Variants in IL22RA2 observed in about 807,000 individuals in gnomAD.
IL22RA2 encodes the protein interleukin-22 receptor subunit alpha-2.
IL22RA2 carries 39 observed loss-of-function variants against 30.7 expected under a neutral mutation model. The ratio of observed to expected loss-of-function variants is 1.27; its 90% CI spans 0.98 to 1.66. The LOEUF is 1.66. IL22RA2 is among the 40% of genes most tolerant of loss of function. IL22RA2 has a pLI of 0.00. For synonymous variants in IL22RA2, 103 were observed against 105.0 expected, an observed-to-expected ratio of 0.98 and a Z score of 0.11; for missense variants, 315 against 312.7, an observed-to-expected ratio of 1.01 and a Z score of -0.05.
intron 1 of IL22RA2, among the ~76,000 whole-genome samples, chr6:137,163,043 T>C (rs1223097214): frequency 6.6e-6 from 1 of 152,224 alleles, no homozygotes; most frequent in Non-Finnish European, 1.5e-5. Flanking sequence ...GTGGACCTTA[T>C]CTATACTTCC....
In IL22RA2 at chr6:137,154,038, T is replaced by TTC. The variant is rs201919164; in HGVS notation, c.472+901_472+902dup. On this transcript the variant is annotated intron_variant, in intron 5 of 6. Transcript: ENST00000296980. ...TCTTTATATCTATACATTAAACCCC[T>TTC]TCTCTCTCTCTCTCTACTATTTTAT... Among the ~76,000 whole-genome samples, 17 of 151,532 alleles carry TTC rather than the reference T, an allele frequency of 1.1e-4. No individual in the cohort carries two copies. In the East Asian group the frequency reaches 1.7e-3, roughly 16 times the overall value.
At chr6:137,167,741 C>G (rs1465209844) in intron 1 of IL22RA2, among the ~76,000 whole-genome samples, 1 of 152,184 alleles carries the variant, frequency 6.6e-6, no homozygotes, top group Non-Finnish European at 1.5e-5. Context: ...AAAACCCAGA[C>G]CACTCAACAT....
chr6:137,172,246 A>G (rs571325681), intron 1 of IL22RA2, among the ~76,000 whole-genome samples: 1 of 152,342 alleles, frequency 6.6e-6, no homozygotes, highest in Admixed American at 6.5e-5. Flanking sequence ...AACGAAATTG[A>G]GGTTTCCACT....
At chr6:137,152,938 A>G (rs9494672) in intron 5 of IL22RA2, among the ~76,000 whole-genome samples, 10,486 of 152,126 alleles carry the variant, frequency 0.069, 836 homozygotes, top group African/African-American at 0.19. Context: ...GTATAGTGCC[A>G]TATTCCAGGG....
At chr6:137,152,394 G>T (rs1328096915) in intron 5 of IL22RA2, among the ~76,000 whole-genome samples, 2 of 152,112 alleles carry the variant, frequency 1.3e-5, no homozygotes, top group African/African-American at 4.8e-5. Context: ...TCACAAAAAA[G>T]AATGAAGTAC....
Position 137,161,775 on chromosome 6 carries a change from A to G in IL22RA2, c.-26T>C. 1 of 1,602,198 alleles carries G rather than the reference A, an allele frequency of 6.2e-7. No individual in the cohort carries two copies. The highest frequency in any genetic ancestry group is 8.5e-7 in the Non-Finnish European group (1 of 1,170,324). ...GGTTGCAAGTGTGACTGTTCAGGCAACCAGTGTTCCTTTTAACCAGCTCAG... is the reference window on the plus strand; with the variant it reads ...GGTTGCAAGTGTGACTGTTCAGGCAGCCAGTGTTCCTTTTAACCAGCTCAG... On this transcript the variant is annotated 5_prime_UTR_variant, in exon 2 of 7. Transcript: ENST00000296980.
chr6:137,146,176 C>T lies in IL22RA2; in HGVS notation c.643-403G>A, dbSNP rs1429874871. On this transcript the variant is annotated intron_variant, in intron 6 of 6. Coordinates refer to ENST00000296980, the MANE Select transcript of IL22RA2 (RefSeq NM_052962.3). ...CCTCCTGAGTAGCTGGGATTGCAGA[C>T]GCATACCACCACGCCTGGCTAATTT... Among the ~76,000 whole-genome samples, 9 of 152,164 alleles carry T rather than the reference C, an allele frequency of 5.9e-5. No individual in the cohort carries two copies. The East Asian group carries it at 1.4e-3, about 23-fold the overall frequency.
chr6:137,145,608 T>C lies in IL22RA2; in HGVS notation c.*16A>G, dbSNP rs772326654. 2.5e-6 allele frequency: 4 copies of C among 1,594,784 alleles called. No homozygotes were observed. The African/African-American group carries it at 5.4e-5, about 21-fold the overall frequency. ...GCTTTAGAATTTCCACATTGCTGAATGCCAAATTCCACAAGTCATGGAATT... is the reference window on the plus strand; with the variant it reads ...GCTTTAGAATTTCCACATTGCTGAACGCCAAATTCCACAAGTCATGGAATT... On this transcript the variant is annotated 3_prime_UTR_variant, in exon 7 of 7. Transcript: ENST00000296980.
At chr6:137,160,586 CCCT>C (rs1016247759) in intron 2 of IL22RA2, among the ~76,000 whole-genome samples, 4 of 152,106 alleles carry the variant, frequency 2.6e-5, no homozygotes, top group African/African-American at 9.7e-5. Flanking sequence ...CTTCCTTCTT[CCCT>C]CCTCCTCCTC....
At chr6:137,153,498 T>C (rs960482374) in intron 5 of IL22RA2, among the ~76,000 whole-genome samples, 6 of 152,200 alleles carry the variant, frequency 3.9e-5, no homozygotes, top group Admixed American at 3.3e-4. Flanking sequence ...CTCTGACTGT[T>C]ACCCATAGTG....
intron 5 of IL22RA2, among the ~76,000 whole-genome samples, chr6:137,153,658 G>C (rs189389765): frequency 3.9e-5 from 6 of 152,210 alleles, no homozygotes; most frequent in East Asian, 1.9e-4. Flanking sequence ...AAGAAAATGA[G>C]GTTCTTATAT....
At chr6:137,149,160 C>A (rs993427467) in intron 5 of IL22RA2, among the ~76,000 whole-genome samples, 8 of 152,084 alleles carry the variant, frequency 5.3e-5, no homozygotes, top group African/African-American at 1.9e-4. Flanking sequence ...GTGAAAGTCC[C>A]TCAATATCTG....
At chr6:137,164,394 G>A (rs1309856571) in intron 1 of IL22RA2, among the ~76,000 whole-genome samples, 1 of 152,138 alleles carries the variant, frequency 6.6e-6, no homozygotes, top group East Asian at 1.9e-4. Flanking sequence ...GTGGCTGCAG[G>A]CCTACTTTGA....
chr6:137,169,000 G>A (rs1418498072), intron 1 of IL22RA2, among the ~76,000 whole-genome samples: 3 of 152,244 alleles, frequency 2.0e-5, no homozygotes, highest in African/African-American at 7.2e-5. Flanking sequence ...GTTACTTCCT[G>A]TTATGTATGT....
chr6:137,161,631 C>A (rs1778522677), intron 2 of IL22RA2, 58 bp downstream of exon 2: 2 of 1,426,840 alleles, frequency 1.4e-6, no homozygotes, highest in Admixed American at 3.4e-5. Context: ...TCCAACAGAT[C>A]CTTGATTGGA....
Position 137,147,722 on chromosome 6 carries a change from C to T in IL22RA2, c.642G>A (p.Lys214=). The T allele has an allele frequency of 6.5e-7, 1 of 1,529,854 alleles. No individual in the cohort carries two copies. Among genetic ancestry groups the T allele is most frequent in the Non-Finnish European group, 8.9e-7 (1 of 1,121,152 alleles). 94.8% of individuals were successfully genotyped at this position (1,529,854 alleles called of 1,614,324 possible). The part of the protein sequence containing the change: ...RVFIINNSLE[K]EQKVYEGAHR... ...AATATATCTATTCATCTGAACTTAC[C>T]TTTTCTAGTGAATTGTTAATTATAA... Residue 214 remains lysine, a splice_region_variant and synonymous_variant, in exon 6 of 7, where the codon AAG becomes AAA. Coordinates refer to ENST00000296980, the MANE Select transcript of IL22RA2 (RefSeq NM_052962.3).
At position 137,147,910 on chromosome 6, in the gene IL22RA2, A is replaced by G. The variant is rs1450947528; in HGVS notation, c.473-19T>C. On this transcript the variant is annotated intron_variant, in intron 5 of 6. Transcript: ENST00000296980. The stretch of plus-strand genomic sequence containing the variant: ...ATTTTTGCTGAAGAAAAAACATAAA[A>G]ATTTGACAAATCATCAAAGGAATGT... 5 of 1,592,468 alleles carry G rather than the reference A, an allele frequency of 3.1e-6. No individual in the cohort carries two copies.
At chr6:137,157,471 G>A (rs1778429404) in intron 3 of IL22RA2, among the ~76,000 whole-genome samples, 2 of 152,032 alleles carry the variant, frequency 1.3e-5, no homozygotes, top group South Asian at 4.1e-4. Flanking sequence ...ATGCTTCTGG[G>A]GATATTCCTT....
intron 5 of IL22RA2, among the ~76,000 whole-genome samples, chr6:137,152,137 C>A (rs568479632): frequency 5.2e-4 from 79 of 151,830 alleles, no homozygotes; most frequent in African/African-American, 1.9e-3. Context: ...TGCTGGAGCC[C>A]AGGGGTTCAA....
Sources: gnomAD v4.1 joint callset for allele counts (sites outside exome capture counted in the v4.1 genomes callset) on GRCh38, gnomAD v4.1.1 for gene constraint, MANE v1.5 for transcripts, NCBI Gene and HGNC (gene_info 2026-07-23, HGNC 2026-07-21) for gene names.